CC2D2B: variants seen among roughly 807,000 people sequenced by gnomAD.
The protein encoded by CC2D2B is coiled-coil and C2 domain containing 2B, also known as protein CC2D2B.
In CC2D2B, 128 loss-of-function variants were observed where a neutral mutation model predicts 161.2. The ratio of observed to expected loss-of-function variants is 0.79; its 90% CI spans 0.69 to 0.92. The LOEUF is 0.92. Ranked by LOEUF, CC2D2B falls within the 40% of genes least tolerant of loss-of-function variation. The pLI, the probability that CC2D2B is intolerant of heterozygous loss-of-function variation, is 0.00. For missense variants in CC2D2B, 1,173 were observed against 1,375.1 expected, an observed-to-expected ratio of 0.85 and a Z score of 2.32; for synonymous variants, 391 against 449.8, an observed-to-expected ratio of 0.87 and a Z score of 1.65.
At position 95,968,747 on chromosome 10, in the gene CC2D2B, A is replaced by T; in HGVS notation, c.1490A>T (p.Lys497Ile). ...CSLHEQKRRA[K>I]IQKLKYFIKI... ...AGGCATGAACAAAAAAGAAGAGCCA[A>T]AATTCAGAAGCTCAAATACTTTATT... The change falls in exon 15 of 35, where the codon AAA (lysine) becomes ATA (isoleucine). Residue 497 changes from lysine to isoleucine, a missense_variant. Lys to Ile is a moderately radical substitution (Grantham distance 102, BLOSUM62 -3). Coordinates refer to ENST00000646931, the MANE Select transcript of CC2D2B (RefSeq NM_001349008.3). The T allele has an allele frequency of 1.6e-6, 2 of 1,215,052 alleles. No individual in the cohort carries two copies. The highest frequency in any genetic ancestry group is 2.1e-6 in the Non-Finnish European group (2 of 972,636). 75.3% of individuals were successfully genotyped at this position (1,215,052 alleles called of 1,614,324 possible). A position where few individuals can be genotyped will look rare whatever the true frequency, so the allele number is the denominator to read the frequency against.
chr10:95,969,659 T>A (rs1461502601), intron 15 of CC2D2B, among the ~76,000 whole-genome samples: 1 of 152,178 alleles, frequency 6.6e-6, no homozygotes, highest in African/African-American at 2.4e-5. Context: ...AGATGTTCTA[T>A]TCATTATTCA....
At chr10:95,909,471 A>G (rs906055251) in intron 1 of CC2D2B, among the ~76,000 whole-genome samples, 1 of 152,246 alleles carries the variant, frequency 6.6e-6, no homozygotes, top group Non-Finnish European at 1.5e-5. Flanking sequence ...GCTATAAGAG[A>G]GTTCAGAAAG....
intron 19 of CC2D2B, among the ~76,000 whole-genome samples, chr10:95,985,426 C>T (rs537081579): frequency 1.5e-4 from 23 of 152,254 alleles, no homozygotes; most frequent in South Asian, 4.1e-4. Flanking sequence ...TAATTTCTTA[C>T]GCCTGTCTTT....
Position 96,027,224 on chromosome 10 carries a change from T to C in CC2D2B, c.3960T>C (p.Thr1320=). The C allele has an allele frequency of 1.3e-6, 2 of 1,540,412 alleles. No homozygotes were observed. Among genetic ancestry groups the C allele is most frequent in the African/African-American group, 2.8e-5 (2 of 72,588 alleles). Residue 1320 remains threonine (T), a synonymous_variant, in exon 34 of 35, where the codon ACT becomes ACC. Transcript: ENST00000646931. The part of the protein sequence containing the change: ...VEDLRNRIER[T]LKSKVMEWRP... ...ATTCTTACCTTAGGATCGAAAGGAC[T>C]CTGAAGAGTAAAGTGATGGAATGGC...
chr10:95,972,409 C>T (rs944029091), intron 16 of CC2D2B, among the ~76,000 whole-genome samples, 193 bp downstream of exon 16: 6 of 152,132 alleles, frequency 3.9e-5, no homozygotes, highest in African/African-American at 9.7e-5. Context: ...GCAACCTCCA[C>T]CTCCCAGGTT....
At chr10:95,959,763 G>C (rs7909124) in intron 11 of CC2D2B, among the ~76,000 whole-genome samples, 6,473 of 150,724 alleles carry the variant, frequency 0.043, 188 homozygotes, top group South Asian at 0.084. Context: ...ACAATGTGTT[G>C]ATTAGTGTAA....
chr10:95,994,716 T>C (rs2078162387), intron 22 of CC2D2B, among the ~76,000 whole-genome samples: 1 of 152,170 alleles, frequency 6.6e-6, no homozygotes. Context: ...CTTCTCACAA[T>C]GTCCCTTCAG....
chr10:95,938,402 T>C (rs1351721771), intron 7 of CC2D2B, 167 bp from the exon 8 acceptor site: 12 of 604,940 alleles, frequency 2.0e-5, no homozygotes, highest in Non-Finnish European at 2.9e-6. Context: ...TATGTATTTA[T>C]ATATAGAGAG....
intron 11 of CC2D2B, among the ~76,000 whole-genome samples, chr10:95,958,948 G>A (rs2076672216): frequency 6.6e-6 from 1 of 152,042 alleles, no homozygotes; most frequent in African/African-American, 2.4e-5. Flanking sequence ...TAAACTCTGG[G>A]AAAGCTGATC....
At chr10:95,963,536 C>T (rs2076838781) in intron 12 of CC2D2B, among the ~76,000 whole-genome samples, 1 of 152,068 alleles carries the variant, frequency 6.6e-6, no homozygotes, top group African/African-American at 2.4e-5. Context: ...TAATTGAAGC[C>T]ATGGGTGTGC....
chr10:95,988,933 C>G (rs2077841495), intron 20 of CC2D2B, among the ~76,000 whole-genome samples: 1 of 152,166 alleles, frequency 6.6e-6, no homozygotes, highest in Non-Finnish European at 1.5e-5. Context: ...TAGTGCCTAG[C>G]ATAGTATCTT....
chr10:96,016,312 GAAGT>G lies in CC2D2B; in HGVS notation c.3630+3_3630+6del, dbSNP rs765761306. ...GGTCCTCTTGGGAACGTCAGTGTTAGAAGTAAGTGCTGGAGTTCATATTGAAATA... is the reference window on the plus strand; with the variant it reads ...GGTCCTCTTGGGAACGTCAGTGTTAGAAGTGCTGGAGTTCATATTGAAATA... On this transcript the variant is annotated splice_donor_variant and coding_sequence_variant, in exon 30 of 35. Coordinates refer to ENST00000646931, the MANE Select transcript of CC2D2B (RefSeq NM_001349008.3). LOFTEE classifies it high-confidence loss of function. 2.6e-6 allele frequency: 4 copies of G among 1,566,526 alleles called. No individual in the cohort carries two copies. Among genetic ancestry groups the G allele is most frequent in the Admixed American group, 1.7e-5 (1 of 59,920 alleles).
At chr10:95,945,777 C>CTT (rs34209550) in intron 9 of CC2D2B, among the ~76,000 whole-genome samples, 880 of 80,972 alleles carry the variant, frequency 0.011, 4 homozygotes, top group Middle Eastern at 0.024. Context: ...TAATGTTGGA[C>CTT]TTTTTTTTTT....
At chr10:95,949,522 G>A (rs2076327264) in intron 9 of CC2D2B, among the ~76,000 whole-genome samples, 1 of 114,932 alleles carries the variant, frequency 8.7e-6, no homozygotes, top group Non-Finnish European at 1.8e-5. Flanking sequence ...TCGGGGGAGG[G>A]GGGAGGGATA....
intron 25 of CC2D2B, among the ~76,000 whole-genome samples, chr10:96,006,410 C>A (rs1013145849): frequency 1.3e-5 from 2 of 150,642 alleles, no homozygotes; most frequent in Non-Finnish European, 3.0e-5. Context: ...TCTTGCTTGG[C>A]CTAACAGTCT....
At chr10:95,925,369 C>T (rs925818730) in intron 5 of CC2D2B, among the ~76,000 whole-genome samples, 1 of 152,198 alleles carries the variant, frequency 6.6e-6, no homozygotes, top group African/African-American at 2.4e-5. Flanking sequence ...TAGGACCATT[C>T]ACACTGAATT....
chr10:96,018,563 T>A (rs942208092), intron 30 of CC2D2B, among the ~76,000 whole-genome samples: 7 of 152,294 alleles, frequency 4.6e-5, no homozygotes, highest in African/African-American at 1.7e-4. Context: ...TACTATCTGT[T>A]GGGAAACCCT....
At chr10:95,995,494 G>A (rs1337729436) in intron 23 of CC2D2B, 129 bp downstream of exon 23, 3 of 528,316 alleles carry the variant, frequency 5.7e-6, no homozygotes, top group Non-Finnish European at 6.4e-6. Flanking sequence ...CACAGTAAAG[G>A]TGGCCTTTAT....
intron 32 of CC2D2B, among the ~76,000 whole-genome samples, chr10:96,022,893 A>C (rs969255708): frequency 5.9e-5 from 9 of 152,178 alleles, no homozygotes; most frequent in African/African-American, 1.4e-4. Context: ...CTTCCTGGGA[A>C]AGAGTGATGA....
Sources: allele counts gnomAD v4.1 joint callset (sites outside exome capture counted in the v4.1 genomes callset), GRCh38; gene constraint gnomAD v4.1.1; transcripts MANE v1.5; gene names NCBI Gene and HGNC (gene_info 2026-07-23, HGNC 2026-07-21).